Variants in RSRC1 observed in about 807,000 individuals in gnomAD.
RSRC1 encodes arginine and serine rich coiled-coil 1, also known as serine/Arginine-related protein 53.
Under a neutral mutation model 49.1 loss-of-function variants are expected in RSRC1, and 39 were observed. That is an observed-to-expected ratio of 0.79 (90% CI 0.61 to 1.04). The LOEUF (loss-of-function observed/expected upper bound fraction) is 1.04. Among genes scored for constraint, RSRC1 ranks in the 50% least tolerant of loss-of-function variants. The probability of loss-of-function intolerance (pLI) is 0.00; values close to 1 mark genes in which losing one functional copy is unlikely to be tolerated. For missense variants in RSRC1, 388 were observed against 402.4 expected (o/e 0.96, Z 0.31); for synonymous variants, 143 against 130.8 (o/e 1.09, Z -0.63).
At chr3:158,430,250 GAA>G (rs1578468578) in intron 6 of RSRC1, among the ~76,000 whole-genome samples, 2 of 151,870 alleles carry the variant, frequency 1.3e-5, no homozygotes, top group East Asian at 3.9e-4. Flanking sequence ...TTCCAAAATG[GAA>G]AAACTTTCAA....
intron 6 of RSRC1, among the ~76,000 whole-genome samples, chr3:158,409,203 TG>T (rs1284249736): frequency 3.3e-5 from 5 of 151,930 alleles, no homozygotes; most frequent in Non-Finnish European, 5.9e-5. Context: ...AATAGGTGGA[TG>T]GTGAAATAAT....
rs11340589 is a variant in RSRC1, at chr3:158,158,938, C to CA, written c.320+34964dup. Among the ~76,000 whole-genome samples, 640 of 119,334 alleles carry CA rather than the reference C, an allele frequency of 5.4e-3. 2 individuals are homozygous for CA. The highest frequency in any genetic ancestry group is 0.01 in the African/African-American group (325 of 32,280). 78.3% of individuals were successfully genotyped at this position (119,334 alleles called of 152,430 possible). The stretch of plus-strand genomic sequence containing the variant: ...TTGGCAACAGAGTGAGACTCTGTCT[C>CA]AAAAAAAAAAAAAAAAAGAAATAGT... On this transcript the variant is annotated intron_variant, in intron 3 of 9. Transcript: ENST00000611884.
At chr3:158,423,549 T>C (rs1735207196) in intron 6 of RSRC1, among the ~76,000 whole-genome samples, 1 of 152,194 alleles carries the variant, frequency 6.6e-6, no homozygotes, top group African/African-American at 2.4e-5. Flanking sequence ...AGGATTGACT[T>C]GGCGATGCGG....
chr3:158,304,032 C>T (rs1727713441), intron 5 of RSRC1, among the ~76,000 whole-genome samples: 1 of 152,094 alleles, frequency 6.6e-6, no homozygotes, highest in South Asian at 2.1e-4. Flanking sequence ...ACTCTGGAGC[C>T]ATACCTGTGG....
intron 3 of RSRC1, among the ~76,000 whole-genome samples, chr3:158,201,783 G>A (rs1685506823): frequency 6.6e-6 from 1 of 151,914 alleles, no homozygotes; most frequent in Non-Finnish European, 1.5e-5. Context: ...ATCCTTATCT[G>A]CTAATTTTAA....
chr3:158,141,091 TC>T (rs1224232896), intron 3 of RSRC1, among the ~76,000 whole-genome samples: 1 of 152,210 alleles, frequency 6.6e-6, no homozygotes, highest in Non-Finnish European at 1.5e-5. Flanking sequence ...GTTTTTAAAG[TC>T]CCTATTTTGA....
At chr3:158,327,977 C>A (rs1025220598) in intron 5 of RSRC1, among the ~76,000 whole-genome samples, 10 of 152,132 alleles carry the variant, frequency 6.6e-5, no homozygotes, top group Admixed American at 2.0e-4. Flanking sequence ...ATCCCTTTAC[C>A]ATTATGTAAT....
At chr3:158,183,346 C>T (rs1719738924) in intron 3 of RSRC1, among the ~76,000 whole-genome samples, 1 of 151,344 alleles carries the variant, frequency 6.6e-6, no homozygotes. Flanking sequence ...TTTAAAATAA[C>T]CTCTTTTTCC....
chr3:158,216,754 G>A (rs551215491), intron 4 of RSRC1, among the ~76,000 whole-genome samples: 3 of 151,734 alleles, frequency 2.0e-5, no homozygotes, highest in East Asian at 1.9e-4. Flanking sequence ...ATACCTGAGC[G>A]TCCAGAGGTG....
At chr3:158,496,516 T>C (rs1461707307) in intron 7 of RSRC1, 1 of 153,090 alleles carries the variant, frequency 6.5e-6, no homozygotes, top group Non-Finnish European at 1.5e-5. Flanking sequence ...TTCACTGAGA[T>C]AGCCTGAGTC....
chr3:158,297,977 T>G (rs1055237148), intron 4 of RSRC1, 62 bp from the exon 5 acceptor site: 1 of 1,193,072 alleles, frequency 8.4e-7, no homozygotes, highest in Non-Finnish European at 1.2e-6. Context: ...ATTTTTGAGG[T>G]AAACAAATTA....
rs146924811 is a variant in RSRC1 at position 158,514,239 on chromosome 3, C to G, written c.653-22853C>G. On this transcript the variant is annotated intron_variant, in intron 7 of 9. Transcript: ENST00000611884. ...GTCAATTTTGGATCTTTCCTGCTTT[C>G]TCTTGTGGGCATTTAGTGCTGTAAA... 1.5e-3 allele frequency among the ~76,000 whole-genome samples: 232 copies of G among 152,256 alleles called. No individual in the cohort carries two copies. The East Asian group carries it at 0.035, about 23-fold the overall frequency.
chr3:158,131,934 T>C (rs1716054060), intron 3 of RSRC1, among the ~76,000 whole-genome samples: 1 of 152,202 alleles, frequency 6.6e-6, no homozygotes, highest in African/African-American at 2.4e-5. Flanking sequence ...CGTTGCACAC[T>C]GTAAAGGCCA....
chr3:158,212,269 A>AT (rs966996834), intron 4 of RSRC1, among the ~76,000 whole-genome samples: 2 of 151,564 alleles, frequency 1.3e-5, no homozygotes, highest in African/African-American at 2.4e-5. Flanking sequence ...ATAACATTGC[A>AT]TTTTTTTTAA....
At chr3:158,402,895 A>G (rs958417971) in intron 6 of RSRC1, among the ~76,000 whole-genome samples, 2 of 151,902 alleles carry the variant, frequency 1.3e-5, no homozygotes, top group Non-Finnish European at 2.9e-5. Context: ...GACTTCAGCT[A>G]GAGCCAGATG....
chr3:158,359,857 G>A (rs1229726280), intron 6 of RSRC1, among the ~76,000 whole-genome samples: 1 of 152,202 alleles, frequency 6.6e-6, no homozygotes, highest in Non-Finnish European at 1.5e-5. Context: ...AGTGGAGGGT[G>A]AACAAGATGA....
At chr3:158,521,928 A>G (rs1412147108) in intron 7 of RSRC1, among the ~76,000 whole-genome samples, 2 of 152,102 alleles carry the variant, frequency 1.3e-5, no homozygotes, top group African/African-American at 4.8e-5. Flanking sequence ...TAATCTAGCA[A>G]ATGTGGGGAC....
chr3:158,516,899 G>T (rs543300298), intron 7 of RSRC1, among the ~76,000 whole-genome samples: 2 of 152,314 alleles, frequency 1.3e-5, no homozygotes, highest in East Asian at 3.9e-4. Context: ...CTAGGAAACG[G>T]AACTCCCTGA....
intron 7 of RSRC1, among the ~76,000 whole-genome samples, chr3:158,498,281 A>G (rs1026518264): frequency 2.0e-5 from 3 of 149,294 alleles, no homozygotes; most frequent in African/African-American, 4.9e-5. Context: ...GTAGTGTTGC[A>G]CTGTGGTTTG....
Sources: gnomAD v4.1 joint callset for allele counts (sites outside exome capture counted in the v4.1 genomes callset) on GRCh38, gnomAD v4.1.1 for gene constraint, MANE v1.5 for transcripts, NCBI Gene and HGNC (gene_info 2026-07-23, HGNC 2026-07-21) for gene names.